PXMP2: variants seen among roughly 807,000 people sequenced by gnomAD.
The protein encoded by PXMP2 is 22 kDa peroxisomal membrane protein.
PXMP2 carries 13 observed loss-of-function variants against 20.2 expected under a neutral mutation model. That is an observed-to-expected ratio of 0.64 (90% CI 0.42 to 1.02). The LOEUF is 1.02. PXMP2 is among the 50% of genes least tolerant of loss of function. PXMP2 has a pLI of 0.00. For synonymous variants in PXMP2, 113 were observed against 111.2 expected (o/e 1.02, Z -0.10); for missense variants, 284 against 251.8 (o/e 1.13, Z -0.87).
chr12:132,697,105 T>C (rs1047115306), intron 3 of PXMP2, among the ~76,000 whole-genome samples: 2 of 152,030 alleles, frequency 1.3e-5, no homozygotes, highest in African/African-American at 2.4e-5. Flanking sequence ...CTGGGCAACA[T>C]GGCGAATACC....
chr12:132,702,041 G>T (rs1228220698), intron 4 of PXMP2, among the ~76,000 whole-genome samples: 1 of 152,196 alleles, frequency 6.6e-6, no homozygotes, highest in Non-Finnish European at 1.5e-5. Context: ...AGTGAGCTGA[G>T]ATTGTGCCAC....
intron 3 of PXMP2, among the ~76,000 whole-genome samples, chr12:132,700,216 A>ATT (rs879892393): frequency 3.5e-4 from 50 of 141,914 alleles, no homozygotes; most frequent in Non-Finnish European, 6.5e-4. Context: ...TAATTTTTGT[A>ATT]TTTTTTTTTT....
rs1354193702 is a variant in PXMP2 at position 132,696,602 on chromosome 12, A to G, written c.399+556A>G. Among the ~76,000 whole-genome samples the G allele has an allele frequency of 6.6e-6, 1 of 152,044 alleles. No homozygotes were observed. The highest frequency in any genetic ancestry group is 1.5e-5 in the Non-Finnish European group (1 of 68,020). On this transcript the variant is annotated intron_variant, in intron 3 of 4. Transcript: ENST00000317479. The surrounding 1 kb of genome is among the most constrained non-coding windows in gnomAD (Gnocchi z 4.4). ...CACCTGAGGTCAGGAGTTCGAGACC[A>G]GCCTGGCCAACATGGTGAAACCTCG...
At chr12:132,689,117 A>G (rs1319789827) in intron 1 of PXMP2, among the ~76,000 whole-genome samples, 80 of 33,206 alleles carry the variant, frequency 2.4e-3, no homozygotes, top group Non-Finnish European at 2.8e-3. Context: ...GACAGGGCCA[A>G]GGGAGCGGGT....
intron 2 of PXMP2, among the ~76,000 whole-genome samples, chr12:132,691,434 G>A (rs1303464376): frequency 6.6e-6 from 1 of 152,152 alleles, no homozygotes; most frequent in Non-Finnish European, 1.5e-5. Flanking sequence ...CACTTTCTGA[G>A]TTGCAAAAGC....
chr12:132,702,354 G>A (rs1385415270), intron 4 of PXMP2: 2 of 214,506 alleles, frequency 9.3e-6, no homozygotes, highest in African/African-American at 4.7e-5. Context: ...AAAGGTGTCA[G>A]ATTGGGGCTG....
At chr12:132,693,731 TGCCAGTTAGTTAGTGAGCTCCCTTA>T (rs2043388162) in intron 2 of PXMP2, among the ~76,000 whole-genome samples, 15 of 71,090 alleles carry the variant, frequency 2.1e-4, no homozygotes, top group Non-Finnish European at 4.0e-4. Flanking sequence ...TGAGCTCCCT[TGCCAGTTAGTTAGTGAGCTCCCTTA>T]GCCAGTTAGT....
intron 1 of PXMP2, 79 bp downstream of exon 1, chr12:132,687,871 G>A (rs2043317551): frequency 1.8e-6 from 2 of 1,086,462 alleles, no homozygotes; most frequent in Non-Finnish European, 2.2e-6. Context: ...CGGGAGCGCC[G>A]GGCCGGGACC....
chr12:132,694,110 C>G (rs540724768), intron 2 of PXMP2, among the ~76,000 whole-genome samples: 105 of 128,460 alleles, frequency 8.2e-4, no homozygotes, highest in African/African-American at 3.2e-3. Context: ...AGTGAGCGCC[C>G]TTGCCAGTTA....
At chr12:132,695,752 C>A in intron 2 of PXMP2, 132 bp from the exon 3 acceptor site, 1 of 938,104 alleles carries the variant, frequency 1.1e-6, no homozygotes, top group Non-Finnish European at 1.6e-6. Flanking sequence ...CTTATCTGTA[C>A]AGACCTGTGT....
chr12:132,695,612 C>G (rs1166602365), intron 2 of PXMP2, among the ~76,000 whole-genome samples: 1 of 152,188 alleles, frequency 6.6e-6, no homozygotes, highest in African/African-American at 2.4e-5. Context: ...GCTGGGACGA[C>G]CTGGAAGCTG....
At chr12:132,700,118 C>T (rs1214620977) in intron 3 of PXMP2, among the ~76,000 whole-genome samples, 1 of 151,428 alleles carries the variant, frequency 6.6e-6, no homozygotes, top group Non-Finnish European at 1.5e-5. Flanking sequence ...CTCGGCTCAC[C>T]GCAACCTCCG....
intron 2 of PXMP2, among the ~76,000 whole-genome samples, chr12:132,694,275 CAGTT>C (rs1255667603): frequency 4.0e-3 from 335 of 83,242 alleles, no homozygotes; most frequent in Non-Finnish European, 5.8e-3. Flanking sequence ...GCTCCCTTGC[CAGTT>C]AGTTAGTGAG....
intron 3 of PXMP2, among the ~76,000 whole-genome samples, chr12:132,698,937 T>C (rs780775423): frequency 6.6e-6 from 1 of 152,156 alleles, no homozygotes; most frequent in Non-Finnish European, 1.5e-5. Flanking sequence ...AACAAGAAAA[T>C]ATTTAAGCAT....
intron 4 of PXMP2, among the ~76,000 whole-genome samples, chr12:132,702,219 C>T (rs1379592577): frequency 6.6e-6 from 1 of 152,270 alleles, no homozygotes; most frequent in East Asian, 1.9e-4. Context: ...GCTGCCTCAC[C>T]TGCAGCCATG....
intron 4 of PXMP2, among the ~76,000 whole-genome samples, chr12:132,702,804 C>T (rs973225167): frequency 2.6e-5 from 4 of 152,152 alleles, no homozygotes; most frequent in Admixed American, 6.5e-5. Context: ...AGAGGGCCTT[C>T]CTGCATTAGC....
At chr12:132,700,322 C>T (rs889277086) in intron 3 of PXMP2, among the ~76,000 whole-genome samples, 1 of 152,226 alleles carries the variant, frequency 6.6e-6, no homozygotes, top group Non-Finnish European at 1.5e-5. Context: ...GCTTAAATTA[C>T]GGTCATGAGC....
chr12:132,696,135 C>T lies in PXMP2; in HGVS notation c.399+89C>T. ...TTCTCGGCAGAATTCAGAGGGTCTG[C>T]AGATTTTTCACTCAAATTGAAATTT... On this transcript the variant is annotated intron_variant, in intron 3 of 4. Transcript: ENST00000317479. This position sits in a 1 kb window ranked among gnomAD's most constrained non-coding sequence, Gnocchi z 4.4. 1 of 1,387,466 alleles carries T rather than the reference C, an allele frequency of 7.2e-7. No individual in the cohort carries two copies. The highest frequency in any genetic ancestry group is 9.6e-7 in the Non-Finnish European group (1 of 1,039,656). The allele number at this position is 1,387,466 out of a possible 1,614,324, so 85.9% of individuals were successfully genotyped here. A position where few individuals can be genotyped will look rare whatever the true frequency, so the allele number is the denominator to read the frequency against.
chr12:132,697,313 T>C (rs2043415739), intron 3 of PXMP2, among the ~76,000 whole-genome samples: 1 of 151,868 alleles, frequency 6.6e-6, no homozygotes, highest in African/African-American at 2.4e-5. Flanking sequence ...AATAAATAAA[T>C]AAACACATTA....
Sources: allele counts gnomAD v4.1 joint callset (sites outside exome capture counted in the v4.1 genomes callset), GRCh38; gene constraint gnomAD v4.1.1; non-coding constraint Gnocchi (gnomAD v3.1); transcripts MANE v1.5; gene names NCBI Gene and HGNC (gene_info 2026-07-23, HGNC 2026-07-21).